The following SERPINA12 variants were observed in gnomAD, a reference collection of about 807,000 sequenced individuals.
SERPINA12 encodes the protein serpin family A member 12.
A neutral mutation model predicts 25.9 loss-of-function variants in SERPINA12; 21 were observed. That is an observed-to-expected ratio of 0.81 (90% confidence interval 0.58 to 1.17). The LOEUF (loss-of-function observed/expected upper bound fraction) is 1.17, where lower values mean the gene tolerates loss of function less well. SERPINA12 is among the 50% of genes most tolerant of loss of function. The probability of loss-of-function intolerance (pLI) is 0.00; values close to 1 mark genes in which losing one functional copy is unlikely to be tolerated. For missense variants in SERPINA12, 562 were observed against 508.3 expected, an observed-to-expected ratio of 1.11 and a Z score of -1.02; for synonymous variants, 220 against 196.0, an observed-to-expected ratio of 1.12 and a Z score of -1.02.
intron 1 of SERPINA12, among the ~76,000 whole-genome samples, chr14:94,507,791 A>T (rs1900983716): frequency 1.3e-5 from 2 of 152,200 alleles, no homozygotes; most frequent in South Asian, 4.1e-4. Flanking sequence ...CAGGATCTAT[A>T]AAAGGTAAAC....
chr14:94,512,356 G>A (rs1452796474), upstream of SERPINA12, among the ~76,000 whole-genome samples: 2 of 152,168 alleles, frequency 1.3e-5, no homozygotes, highest in Non-Finnish European at 2.9e-5. Flanking sequence ...TCTGCCCAAT[G>A]GGACTACTGA....
At chr14:94,510,662 G>T (rs1282073669), upstream of SERPINA12, among the ~76,000 whole-genome samples, 5 of 152,128 alleles carry the variant, frequency 3.3e-5, no homozygotes, top group African/African-American at 1.2e-4. Flanking sequence ...GCACACACAT[G>T]TTGCGTAATT....
chr14:94,501,391 C>T (rs1900715960), intron 1 of SERPINA12, among the ~76,000 whole-genome samples: 1 of 152,180 alleles, frequency 6.6e-6, no homozygotes. Context: ...AAAGCACCAT[C>T]CTGGGAACAC....
intron 4 of SERPINA12, among the ~76,000 whole-genome samples, chr14:94,487,854 C>T (rs1382012840): frequency 6.6e-6 from 1 of 152,056 alleles, no homozygotes; most frequent in Non-Finnish European, 1.5e-5. Flanking sequence ...GGTGGTACCC[C>T]CACCCTGAAG....
At chr14:94,515,687 AAACAGTGCAGATGCG>A (rs1901215455) in intron 2 of SERPINA12, 2 of 121,388 alleles carry the variant, frequency 1.6e-5, no homozygotes, top group Non-Finnish European at 4.0e-5. Flanking sequence ...AGATGCGGGC[AAACAGTGCAGATGCG>A]GGCAAACAGT....
At chr14:94,488,783 T>G (rs1055992795) in intron 4 of SERPINA12, among the ~76,000 whole-genome samples, 7 of 152,166 alleles carry the variant, frequency 4.6e-5, no homozygotes, top group Admixed American at 1.3e-4. Flanking sequence ...ATGCAGCATA[T>G]GCTTATGCCA....
chr14:94,496,367 C>A lies in SERPINA12; in HGVS notation c.905+6G>T. 1 of 1,614,180 alleles carries A rather than the reference C, an allele frequency of 6.2e-7. No individual in the cohort carries two copies. The highest frequency in any genetic ancestry group is 8.5e-7 in the Non-Finnish European group (1 of 1,180,028). ...AAAAGCTGCGAGGGCTAGGCACCCA[C>A]TTTACCTGCGTGACAGTAATGTTTT... is the stretch of plus-strand genomic sequence containing the variant. On this transcript the variant is annotated splice_donor_region_variant and intron_variant, in intron 3 of 4. Transcript: ENST00000677451.
Position 94,487,447 on chromosome 14 carries a change from C to T in SERPINA12, c.1101G>A (p.Gly367=). 2 of 1,614,034 alleles carry T rather than the reference C, an allele frequency of 1.2e-6. No homozygotes were observed. Among genetic ancestry groups the T allele is most frequent in the African/African-American group, 1.3e-5 (1 of 75,036 alleles). Residue 367 remains glycine, a synonymous_variant, in exon 5 of 5, where the codon GGG becomes GGA. Coordinates refer to ENST00000677451, the MANE Select transcript of SERPINA12 (RefSeq NM_001382267.1). ...ELKMDERGTE[G]AAGTGAQTLP... Reference sequence around the variant, plus strand: ...GAGTCTGTGCTCCGGTGCCAGCGGCCCCTTCCGTACCCCTCTCATCCATCT... The same window carrying T: ...GAGTCTGTGCTCCGGTGCCAGCGGCTCCTTCCGTACCCCTCTCATCCATCT...
Position 94,497,965 on chromosome 14 carries a change from G to T in SERPINA12, c.433C>A (p.Gln145Lys), listed in dbSNP as rs767238542. 4.3e-6 allele frequency: 7 copies of T among 1,614,098 alleles called. No individual in the cohort carries two copies. In the South Asian group the frequency reaches 6.6e-5, roughly 15 times the overall value. ...GNTLFIDQRL[Q>K]PQRKFLEDAK... ...TCTTCCAAAAACTTACGCTGTGGCT[G>T]CAGCCTCTGGTCAATGAACAGCGTG... Residue 145 changes from glutamine to lysine, a missense_variant, in exon 2 of 5, where the codon CAG becomes AAG. Gln to Lys is a moderately conservative substitution (Grantham distance 53). Coordinates refer to ENST00000677451, the MANE Select transcript of SERPINA12 (RefSeq NM_001382267.1).
upstream of SERPINA12, among the ~76,000 whole-genome samples, chr14:94,513,244 C>A (rs916745537): frequency 3.3e-5 from 5 of 152,314 alleles, no homozygotes; most frequent in African/African-American, 1.2e-4. Context: ...TTGCTGATAC[C>A]AGACAGTCCT....
At chr14:94,503,207 C>T (rs1900803045) in intron 1 of SERPINA12, 3 of 984,616 alleles carry the variant, frequency 3.0e-6, no homozygotes, top group Non-Finnish European at 3.6e-6. Flanking sequence ...GGTGGTAAGA[C>T]ATATCTTCTC....
intron 1 of SERPINA12, among the ~76,000 whole-genome samples, 198 bp from the exon 2 acceptor site, chr14:94,498,628 G>C (rs1900577734): frequency 6.6e-6 from 1 of 152,124 alleles, no homozygotes; most frequent in African/African-American, 2.4e-5. Flanking sequence ...GTAAATAGGA[G>C]GACTGAATGT....
At chr14:94,501,029 G>T (rs1900696903) in intron 1 of SERPINA12, 1 of 985,232 alleles carries the variant, frequency 1.0e-6, no homozygotes, top group African/African-American at 1.7e-5. Context: ...CCACTTCTTG[G>T]TAAAACTTAA....
At position 94,495,200 on chromosome 14, in the gene SERPINA12, C is replaced by T. The variant is rs1290346381; in HGVS notation, c.905+1173G>A. 2.7e-5 allele frequency among the ~76,000 whole-genome samples: 4 copies of T among 148,802 alleles called. No homozygotes were observed. The Admixed American group carries it at 2.7e-4, about 10-fold the overall frequency. On this transcript the variant is annotated intron_variant, in intron 3 of 4. Transcript: ENST00000677451. ...TCTCCTGCCTCAGCCTCCCAAGTAG[C>T]TGGGACTACAGGCGCCCGCCACTAC... is the stretch of plus-strand genomic sequence containing the variant.
chr14:94,496,509 A>C lies in SERPINA12; in HGVS notation c.769T>G (p.Cys257Gly). Residue 257 changes from cysteine to glycine, a missense_variant, in exon 3 of 5, where the codon TGC (cysteine) becomes GGC (glycine). Cys to Gly is a radical substitution (Grantham distance 159, BLOSUM62 -3). Coordinates refer to ENST00000677451, the MANE Select transcript of SERPINA12 (RefSeq NM_001382267.1). ...YQVGYDDKLS[C>G]TILEIPYQKN... The stretch of plus-strand genomic sequence containing the variant: ...TGGTAGGGTATTTCCAGGATGGTGC[A>C]AGAGAGCTTATCGTCATAGCCAACT... The C allele has an allele frequency of 6.2e-7, 1 of 1,614,108 alleles. No homozygotes were observed. The highest frequency in any genetic ancestry group is 1.1e-5 in the South Asian group (1 of 91,060).
At chr14:94,494,365 T>C (rs1900305850) in intron 3 of SERPINA12, among the ~76,000 whole-genome samples, 1 of 152,228 alleles carries the variant, frequency 6.6e-6, no homozygotes, top group Admixed American at 6.5e-5. Flanking sequence ...TGAACTGATG[T>C]GACTCCTTTC....
intron 1 of SERPINA12, among the ~76,000 whole-genome samples, chr14:94,508,437 T>TA (rs1901009591): frequency 6.6e-6 from 1 of 151,978 alleles, no homozygotes; most frequent in African/African-American, 2.4e-5. Flanking sequence ...CTGTAAATAG[T>TA]AAAAAATTCA....
At chr14:94,496,251 A>G (rs913430333) in intron 3 of SERPINA12, 122 bp downstream of exon 3, 33 of 928,238 alleles carry the variant, frequency 3.6e-5, no homozygotes, top group Non-Finnish European at 5.1e-5. Flanking sequence ...AATTCTCACC[A>G]TGATATAAGT....
At chr14:94,502,638 C>A (rs866526304) in intron 1 of SERPINA12, among the ~76,000 whole-genome samples, 5 of 152,212 alleles carry the variant, frequency 3.3e-5, no homozygotes, top group African/African-American at 1.2e-4. Flanking sequence ...GGTCACTCCT[C>A]TCCTGATAGT....
Sources: gnomAD v4.1 joint callset for allele counts (sites outside exome capture counted in the v4.1 genomes callset) on GRCh38, gnomAD v4.1.1 for gene constraint, MANE v1.5 for transcripts, NCBI Gene and HGNC (gene_info 2026-07-23, HGNC 2026-07-21) for gene names.